SPINK7: variants seen among roughly 807,000 people sequenced by gnomAD.
The protein encoded by SPINK7 is serine protease inhibitor Kazal-type 7.
SPINK7 carries 8 observed loss-of-function variants against 11.6 expected under a neutral mutation model. The ratio of observed to expected loss-of-function variants is 0.69; its 90% CI spans 0.41 to 1.25. The LOEUF (loss-of-function observed/expected upper bound fraction) is 1.25, where lower values mean the gene tolerates loss of function less well. Ranked by LOEUF, SPINK7 falls within the 50% of genes most tolerant of loss-of-function variation. The pLI is 0.01. For missense variants in SPINK7, 113 were observed against 99.3 expected (o/e 1.14, Z -0.58); for synonymous variants, 38 against 35.3 (o/e 1.08, Z -0.27).
chr5:148,312,642 A>G (rs1002117619), intron 1 of SPINK7, 98 bp downstream of exon 1: 2 of 715,262 alleles, frequency 2.8e-6, no homozygotes, highest in Non-Finnish European at 4.8e-6. Context: ...TCTGGTTGTA[A>G]GAATTTAAAG....
In SPINK7 at chr5:148,313,359, G is replaced by T. The variant is rs778839144; in HGVS notation, c.62-15G>T. 6.3e-7 allele frequency: 1 copy of T among 1,596,356 alleles called. No homozygotes were observed. The highest frequency in any genetic ancestry group is 8.6e-7 in the Non-Finnish European group (1 of 1,167,882). On this transcript the variant is annotated splice_polypyrimidine_tract_variant and intron_variant, in intron 1 of 3. Coordinates refer to ENST00000274565, the MANE Select transcript of SPINK7 (RefSeq NM_032566.3). ...TGCTTTACTTTTAACATCTTCATCTGTATCTCTTTTTCAGAAGCTGCTAGT... is the reference window on the plus strand; with the variant it reads ...TGCTTTACTTTTAACATCTTCATCTTTATCTCTTTTTCAGAAGCTGCTAGT...
chr5:148,313,426 G>T (rs1193394703), intron 2 of SPINK7, 27 bp downstream of exon 2: 3 of 1,547,886 alleles, frequency 1.9e-6, no homozygotes, highest in Admixed American at 3.4e-5. Context: ...ACATTTTAAT[G>T]TCAATAACTA....
rs773313016 is a variant in SPINK7 at position 148,315,640 on chromosome 5, A to G, written c.214A>G (p.Lys72Glu). ...CTTGTGAACTGTGTCTTCCCTTAGGAAAAGTAATGGAAGAGTTCAGTTTCT... is the reference window on the plus strand; with the variant it reads ...CTTGTGAACTGTGTCTTCCCTTAGGGAAAGTAATGGAAGAGTTCAGTTTCT... ...NECHLCTESL[K>E]SNGRVQFLHD... Residue 72 changes from lysine (K) to glutamate (E), a missense_variant and splice_region_variant, in exon 4 of 4, where the codon AAA becomes GAA. Lys to Glu is a moderately conservative substitution (Grantham distance 56). Coordinates refer to ENST00000274565, the MANE Select transcript of SPINK7 (RefSeq NM_032566.3). 2.5e-6 allele frequency: 4 copies of G among 1,595,890 alleles called. No individual in the cohort carries two copies. The highest frequency in any genetic ancestry group is 3.4e-6 in the Non-Finnish European group (4 of 1,164,104).
In SPINK7 at chr5:148,313,186, G is replaced by T. The variant is rs544543167; in HGVS notation, c.62-188G>T. Among the ~76,000 whole-genome samples, 8 of 152,106 alleles carry T rather than the reference G, an allele frequency of 5.3e-5. No individual in the cohort carries two copies. In the East Asian group the frequency reaches 1.5e-3, roughly 29 times the overall value. Reference sequence around the variant, plus strand: ...TATAATTCTCTTACCTAAACCAAGGGTTAACCTAACCCATTGGCCATTCAA... The same window carrying T: ...TATAATTCTCTTACCTAAACCAAGGTTTAACCTAACCCATTGGCCATTCAA... On this transcript the variant is annotated intron_variant, in intron 1 of 3. Transcript: ENST00000274565.
At position 148,312,490 on chromosome 5, in the gene SPINK7, ATCACTGGGGGTC is replaced by A; in HGVS notation, c.10_21del (p.Thr4_Leu7del). The A allele has an allele frequency of 1.2e-6, 2 of 1,611,094 alleles. No individual in the cohort carries two copies. The highest frequency in any genetic ancestry group is 2.2e-5 in the South Asian group (2 of 91,028). On this transcript the variant is annotated inframe_deletion, in exon 1 of 4. Transcript: ENST00000274565. ...CACCACAGCCATTTCCAGCATGAAG[ATCACTGGGGGTC>A]TCCTTCTGCTCTGTACAGTGGTCTA...
chr5:148,314,431 C>T, intron 3 of SPINK7: 1 of 585,322 alleles, frequency 1.7e-6, no homozygotes, highest in Non-Finnish European at 3.0e-6. Context: ...TAGTCCCATC[C>T]CATCACAGAA....
chr5:148,315,877 A>ATT lies in SPINK7; in HGVS notation c.*202_*203dup. On this transcript the variant is annotated 3_prime_UTR_variant, in exon 4 of 4. Transcript: ENST00000274565. ...ACCCATGCCTCACTGACAGACCAGC[A>ATT]TTTTTTTTTTAACACGTCAATAAAA... 1 of 365,654 alleles carries ATT rather than the reference A, an allele frequency of 2.7e-6. No individual in the cohort carries two copies. The highest frequency in any genetic ancestry group is 3.9e-5 in the East Asian group (1 of 25,464). The allele number at this position is 365,654 out of a possible 1,614,324, so 22.7% of individuals were successfully genotyped here. A position where few individuals can be genotyped will look rare whatever the true frequency, so the allele number is the denominator to read the frequency against.
intron 3 of SPINK7, 190 bp downstream of exon 3, chr5:148,314,414 C>T: frequency 4.8e-6 from 3 of 621,378 alleles, no homozygotes; most frequent in Non-Finnish European, 8.4e-6. Flanking sequence ...GCTCTGCCAG[C>T]TTGGACTAGT....
chr5:148,314,272 A>G, intron 3 of SPINK7, 48 bp downstream of exon 3: 1 of 1,596,148 alleles, frequency 6.3e-7, no homozygotes, highest in Non-Finnish European at 8.6e-7. Context: ...AGTGCTCTCT[A>G]CTACAAACGC....
chr5:148,314,033 T>G, intron 2 of SPINK7, 67 bp from the exon 3 acceptor site: 1 of 1,599,864 alleles, frequency 6.3e-7, no homozygotes, highest in South Asian at 1.1e-5. Flanking sequence ...GCCCTTGTAG[T>G]ATATCTAATA....
chr5:148,314,078 C>T, intron 2 of SPINK7, 22 bp from the exon 3 acceptor site: 1 of 1,613,484 alleles, frequency 6.2e-7, no homozygotes, highest in South Asian at 1.1e-5. Flanking sequence ...AAAAACAGGA[C>T]ATTTGCTTGT....
At chr5:148,314,397 G>C in intron 3 of SPINK7, 173 bp downstream of exon 3, 1 of 681,662 alleles carries the variant, frequency 1.5e-6, no homozygotes, top group Non-Finnish European at 2.4e-6. Flanking sequence ...ACAGGGTAGA[G>C]TCACCTGCTC....
At chr5:148,313,603 A>G (rs1184959345) in intron 2 of SPINK7, 10 of 423,564 alleles carry the variant, frequency 2.4e-5, no homozygotes, top group Non-Finnish European at 4.2e-5. Context: ...TAAAAATGCC[A>G]GAGTTAAAGA....
Position 148,315,747 on chromosome 5 carries a change from TCTGA to T in SPINK7, c.*68_*71del, listed in dbSNP as rs1756924545. The stretch of plus-strand genomic sequence containing the variant: ...CATCATCATCTTCATCATCCCAGGC[TCTGA>T]CTGAGTTTCTTTCAGTTTTACTGAT... On this transcript the variant is annotated 3_prime_UTR_variant, in exon 4 of 4. Coordinates refer to ENST00000274565, the MANE Select transcript of SPINK7 (RefSeq NM_032566.3). The T allele has an allele frequency of 5.9e-6, 6 of 1,024,100 alleles. No homozygotes were observed. Among genetic ancestry groups the T allele is most frequent in the Middle Eastern group, 2.1e-4 (1 of 4,814 alleles). 63.4% of individuals were successfully genotyped at this position (1,024,100 alleles called of 1,614,324 possible).
At position 148,315,833 on chromosome 5, in the gene SPINK7, T is replaced by C; in HGVS notation, c.*149T>C. On this transcript the variant is annotated 3_prime_UTR_variant, in exon 4 of 4. Coordinates refer to ENST00000274565, the MANE Select transcript of SPINK7 (RefSeq NM_032566.3). ...GTAATCTTGACTGAATGGAGAAAGT[T>C]TCTGTGCTACCCCTACAAACCCATG... 2 of 514,328 alleles carry C rather than the reference T, an allele frequency of 3.9e-6. No individual in the cohort carries two copies. The allele number at this position is 514,328 out of a possible 1,614,324, so 31.9% of individuals were successfully genotyped here.
chr5:148,314,203 G>T lies in SPINK7; in HGVS notation c.191G>T (p.Cys64Phe), dbSNP rs748702395. Residue 64 changes from cysteine to phenylalanine, a missense_variant, in exon 3 of 4, where the codon TGT becomes TTT. By Grantham distance (205) the Cys-to-Phe change is radical. Coordinates refer to ENST00000274565, the MANE Select transcript of SPINK7 (RefSeq NM_032566.3). Reference protein sequence around the residue: ...GSDYITYGNECHLCTESLKSN... With the variant: ...GSDYITYGNEFHLCTESLKSN... ...GACTACATCACCTATGGGAATGAATGTCACTTGTGTACCGAGAGCTTGTGA... is the reference window on the plus strand; with the variant it reads ...GACTACATCACCTATGGGAATGAATTTCACTTGTGTACCGAGAGCTTGTGA... The T allele has an allele frequency of 2.5e-6, 4 of 1,613,634 alleles. No homozygotes were observed. Among genetic ancestry groups the T allele is most frequent in the Non-Finnish European group, 3.4e-6 (4 of 1,179,744 alleles).
chr5:148,313,413 A>G lies in SPINK7; in HGVS notation c.87+14A>G. 1 of 1,577,200 alleles carries G rather than the reference A, an allele frequency of 6.3e-7. No individual in the cohort carries two copies. The highest frequency in any genetic ancestry group is 8.7e-7 in the Non-Finnish European group (1 of 1,149,590). ...TCTCCAAAAAAAGTAAGTATGTTGAATAACATTTTAATGTCAATAACTATT... is the reference window on the plus strand; with the variant it reads ...TCTCCAAAAAAAGTAAGTATGTTGAGTAACATTTTAATGTCAATAACTATT... On this transcript the variant is annotated intron_variant, in intron 2 of 3. Transcript: ENST00000274565.
chr5:148,313,400 G>GT lies in SPINK7; in HGVS notation c.87+2dup, dbSNP rs777436301. 1 of 1,596,914 alleles carries GT rather than the reference G, an allele frequency of 6.3e-7. No homozygotes were observed. The highest frequency in any genetic ancestry group is 1.1e-5 in the South Asian group (1 of 89,612). The stretch of plus-strand genomic sequence containing the variant: ...AGCTGCTAGTCTGTCTCCAAAAAAA[G>GT]TAAGTATGTTGAATAACATTTTAAT... On this transcript the variant is annotated splice_donor_variant, in intron 2 of 3. Coordinates refer to ENST00000274565, the MANE Select transcript of SPINK7 (RefSeq NM_032566.3). LOFTEE classifies it high-confidence loss of function.
At chr5:148,315,158 A>C (rs1427879550) in intron 3 of SPINK7, among the ~76,000 whole-genome samples, 1 of 152,088 alleles carries the variant, frequency 6.6e-6, no homozygotes, top group Non-Finnish European at 1.5e-5. Context: ...ATTTATTCCT[A>C]TTTGGGAGGT....
Sources: gnomAD v4.1 joint callset for allele counts (sites outside exome capture counted in the v4.1 genomes callset) on GRCh38, gnomAD v4.1.1 for gene constraint, MANE v1.5 for transcripts, NCBI Gene and HGNC (gene_info 2026-07-23, HGNC 2026-07-21) for gene names.